The following TTC1 variants were observed in gnomAD, a reference collection of about 807,000 sequenced individuals.
The protein encoded by TTC1 is tetratricopeptide repeat protein 1.
TTC1 carries 31 observed loss-of-function variants against 37.6 expected under a neutral mutation model. The ratio of observed to expected loss-of-function variants is 0.82; its 90% confidence interval spans 0.62 to 1.11. TTC1 has a LOEUF of 1.11. Among genes scored for constraint, TTC1 ranks in the 50% most tolerant of loss-of-function variants. The pLI is 0.00. For synonymous variants in TTC1, 127 were observed against 122.4 expected (o/e 1.04, Z -0.25); for missense variants, 351 against 339.0 (o/e 1.04, Z -0.28).
intron 2 of TTC1, among the ~76,000 whole-genome samples, chr5:160,023,406 CT>C (rs1756746904): frequency 6.6e-6 from 1 of 151,970 alleles, no homozygotes; most frequent in African/African-American, 2.4e-5. Flanking sequence ...ATCCTTCCCC[CT>C]CAGCCTCCCA....
chr5:160,059,014 A>G (rs1349606079), intron 7 of TTC1, among the ~76,000 whole-genome samples: 1 of 152,222 alleles, frequency 6.6e-6, no homozygotes, highest in Non-Finnish European at 1.5e-5. Flanking sequence ...TAGATTTAGC[A>G]TCATTCTTAA....
chr5:160,045,548 T>TCTCTCCCC (rs1158662610), intron 5 of TTC1, among the ~76,000 whole-genome samples: 1 of 125,674 alleles, frequency 8.0e-6, no homozygotes, highest in African/African-American at 3.2e-5. Flanking sequence ...TCTCTCTCTC[T>TCTCTCCCC]CTCTCCCCCT....
At chr5:160,035,453 A>G (rs1756985176) in intron 3 of TTC1, among the ~76,000 whole-genome samples, 1 of 152,236 alleles carries the variant, frequency 6.6e-6, no homozygotes, top group Non-Finnish European at 1.5e-5. Context: ...GTCTAGAATC[A>G]GGGGTAAAAC....
At chr5:160,035,027 C>T (rs1756978615) in intron 2 of TTC1, 113 bp from the exon 3 acceptor site, 1 of 848,210 alleles carries the variant, frequency 1.2e-6, no homozygotes, top group Non-Finnish European at 1.7e-6. Context: ...TGATGCAGTT[C>T]TCAAAAGTCA....
chr5:160,045,454 C>CCACACACACA lies in TTC1; in HGVS notation c.541+2336_541+2345dup, dbSNP rs57919333. 4.0e-3 allele frequency among the ~76,000 whole-genome samples: 155 copies of CCACACACACA among 38,876 alleles called. 10 individuals are homozygous for CCACACACACA. Among genetic ancestry groups the CCACACACACA allele is most frequent in the Non-Finnish European group, 5.8e-3 (120 of 20,848 alleles). 25.5% of individuals were successfully genotyped at this position (38,876 alleles called of 152,430 possible). A position where few individuals can be genotyped will look rare whatever the true frequency, so the allele number is the denominator to read the frequency against. On this transcript the variant is annotated intron_variant, in intron 5 of 7. Transcript: ENST00000231238. ...GAGAGCCCCCGACATCCCCCACCCT[C>CCACACACACA]CACACACACACACACACACACACAC...
chr5:160,036,871 TCTCC>T, intron 4 of TTC1, 68 bp downstream of exon 4: 22 of 1,179,612 alleles, frequency 1.9e-5, no homozygotes, highest in Middle Eastern at 1.9e-4. Context: ...CCATAGTTTC[TCTCC>T]AGAAACTAGC....
chr5:160,018,108 G>A (rs1180938716), intron 2 of TTC1, among the ~76,000 whole-genome samples: 1 of 152,106 alleles, frequency 6.6e-6, no homozygotes, highest in African/African-American at 2.4e-5. Flanking sequence ...TCCTTATAAA[G>A]TATACCAATA....
chr5:160,038,543 G>T (rs757301073), intron 4 of TTC1, among the ~76,000 whole-genome samples: 1 of 152,008 alleles, frequency 6.6e-6, no homozygotes, highest in Non-Finnish European at 1.5e-5. Context: ...GTATGGTCTT[G>T]TTAGTATTTT....
intron 2 of TTC1, among the ~76,000 whole-genome samples, chr5:160,033,938 A>T (rs1326916795): frequency 6.6e-6 from 1 of 152,146 alleles, no homozygotes; most frequent in Non-Finnish European, 1.5e-5. Flanking sequence ...CTTTGAAATT[A>T]CTTAATCAGA....
At chr5:160,036,850 G>A in intron 4 of TTC1, 47 bp downstream of exon 4, 1 of 1,337,014 alleles carries the variant, frequency 7.5e-7, no homozygotes, top group Non-Finnish European at 1.1e-6. Context: ...TGGACTTGCA[G>A]TCTTTTCATA....
intron 2 of TTC1, among the ~76,000 whole-genome samples, chr5:160,030,685 A>G (rs1267290508): frequency 6.6e-6 from 1 of 152,184 alleles, no homozygotes; most frequent in Non-Finnish European, 1.5e-5. Flanking sequence ...AATGCAGGAT[A>G]ATGTCACTGT....
intron 5 of TTC1, among the ~76,000 whole-genome samples, chr5:160,043,383 A>G (rs1453191542): frequency 6.6e-6 from 1 of 152,204 alleles, no homozygotes; most frequent in Non-Finnish European, 1.5e-5. Context: ...AAATACATGA[A>G]GAAAAATTCA....
chr5:160,013,742 C>CA (rs35968051), intron 2 of TTC1, among the ~76,000 whole-genome samples: 17,211 of 91,970 alleles, frequency 0.19, 1,273 homozygotes, highest in East Asian at 0.37. Flanking sequence ...GACTCTGTCT[C>CA]AAAAAAAAAA....
chr5:160,028,070 CGAGTG>C (rs1561628523), intron 2 of TTC1, among the ~76,000 whole-genome samples: 2 of 152,012 alleles, frequency 1.3e-5, no homozygotes, highest in Non-Finnish European at 2.9e-5. Flanking sequence ...GGGGCCGAGG[CGAGTG>C]GATCACGAGG....
chr5:160,047,509 G>A (rs1409287600), intron 5 of TTC1, among the ~76,000 whole-genome samples: 2 of 152,136 alleles, frequency 1.3e-5, no homozygotes, highest in African/African-American at 4.8e-5. Context: ...CACTGCATTA[G>A]CTTTCCAGCT....
intron 2 of TTC1, among the ~76,000 whole-genome samples, chr5:160,032,917 G>C (rs1756937610): frequency 6.6e-6 from 1 of 151,166 alleles, no homozygotes; most frequent in African/African-American, 2.4e-5. Flanking sequence ...GTAGAGACAG[G>C]GTTTCACTAT....
chr5:160,035,479 T>C (rs1756985603), intron 3 of TTC1, among the ~76,000 whole-genome samples: 1 of 152,216 alleles, frequency 6.6e-6, no homozygotes, highest in Admixed American at 6.5e-5. Context: ...AGCTCTTGCT[T>C]TGGAAAACAC....
At chr5:160,012,348 G>A (rs1399861139) in intron 2 of TTC1, among the ~76,000 whole-genome samples, 1 of 151,614 alleles carries the variant, frequency 6.6e-6, no homozygotes, top group East Asian at 1.9e-4. Context: ...CATACTTTAA[G>A]TTCTATAAAT....
chr5:160,023,255 C>CA (rs113727015), intron 2 of TTC1, among the ~76,000 whole-genome samples: 17,855 of 109,826 alleles, frequency 0.16, 1,413 homozygotes, highest in East Asian at 0.35. Context: ...AACACTGTCT[C>CA]AAAAAAAAAA....
Sources: allele counts gnomAD v4.1 joint callset (sites outside exome capture counted in the v4.1 genomes callset), GRCh38; gene constraint gnomAD v4.1.1; transcripts MANE v1.5; gene names NCBI Gene and HGNC (gene_info 2026-07-23, HGNC 2026-07-21).